Variants in LDB2 observed in about 807,000 individuals in gnomAD.
LDB2 encodes LIM domain-binding protein 2.
A neutral mutation model predicts 44.3 loss-of-function variants in LDB2; 12 were observed. That is an observed-to-expected ratio of 0.27 (90% confidence interval 0.17 to 0.44). The LOEUF (loss-of-function observed/expected upper bound fraction) is 0.44, where lower values mean the gene tolerates loss of function less well. Ranked by LOEUF, LDB2 falls within the 20% of genes least tolerant of loss-of-function variation. The pLI is 1.00. For synonymous variants in LDB2, 164 were observed against 174.8 expected (o/e 0.94, Z 0.49); for missense variants, 344 against 473.5 (o/e 0.73, Z 2.54).
intron 5 of LDB2, among the ~76,000 whole-genome samples, chr4:16,536,533 G>A (rs1187164393): frequency 6.6e-6 from 1 of 152,198 alleles, no homozygotes; most frequent in Non-Finnish European, 1.5e-5. Context: ...AAAGGACCTG[G>A]CAGCTGGGTG....
intron 1 of LDB2, among the ~76,000 whole-genome samples, chr4:16,850,534 T>C (rs1788005287): frequency 6.6e-6 from 1 of 152,200 alleles, no homozygotes; most frequent in African/African-American, 2.4e-5. Flanking sequence ...AACACAAGGA[T>C]GTCAGGTTTC....
At chr4:16,704,062 C>T (rs1754076449) in intron 2 of LDB2, among the ~76,000 whole-genome samples, 1 of 152,148 alleles carries the variant, frequency 6.6e-6, no homozygotes, top group African/African-American at 2.4e-5. Context: ...ATACTTCCTC[C>T]CTGGAATCTG....
chr4:16,501,865 A>G lies in LDB2; in HGVS notation c.*778T>C, dbSNP rs183629970. ...GTTTATTAAACTGCCCACAAAACCA[A>G]TGGATTACATGGCTTGAAAATATTT... is the stretch of plus-strand genomic sequence containing the variant. On this transcript the variant is annotated 3_prime_UTR_variant, in exon 8 of 8. Transcript: ENST00000304523. 9 of 152,784 alleles carry G rather than the reference A, an allele frequency of 5.9e-5. No individual in the cohort carries two copies. The East Asian group carries it at 1.4e-3, about 23-fold the overall frequency. 9.5% of individuals were successfully genotyped at this position (152,784 alleles called of 1,614,324 possible).
At chr4:16,633,751 G>T (rs1388125681) in intron 2 of LDB2, among the ~76,000 whole-genome samples, 40 of 152,108 alleles carry the variant, frequency 2.6e-4, no homozygotes, top group Admixed American at 9.2e-4. Flanking sequence ...TCACAGAACT[G>T]GAAAAAACTA....
intron 2 of LDB2, among the ~76,000 whole-genome samples, chr4:16,686,482 G>A (rs745875879): frequency 6.6e-6 from 1 of 152,200 alleles, no homozygotes; most frequent in Non-Finnish European, 1.5e-5. Context: ...TTGTGCTCTT[G>A]CTCTTGTGTG....
At chr4:16,893,300 TA>T (rs1239345023) in intron 1 of LDB2, among the ~76,000 whole-genome samples, 1 of 151,634 alleles carries the variant, frequency 6.6e-6, no homozygotes, top group Non-Finnish European at 1.5e-5. Flanking sequence ...TTTTTCTTTC[TA>T]AATTTCTAGG....
At chr4:16,731,686 A>T (rs978315689) in intron 2 of LDB2, among the ~76,000 whole-genome samples, 1 of 152,182 alleles carries the variant, frequency 6.6e-6, no homozygotes, top group Non-Finnish European at 1.5e-5. Flanking sequence ...CACCTAGTAT[A>T]CGAAATTTTA....
At chr4:16,788,251 C>T (rs546127438) in intron 1 of LDB2, among the ~76,000 whole-genome samples, 1 of 152,348 alleles carries the variant, frequency 6.6e-6, no homozygotes, top group East Asian at 1.9e-4. Context: ...CTCCGCTCTC[C>T]ACAGGGCAAG....
At chr4:16,892,358 T>C (rs763631587) in intron 1 of LDB2, among the ~76,000 whole-genome samples, 1 of 152,216 alleles carries the variant, frequency 6.6e-6, no homozygotes, top group Admixed American at 6.5e-5. Flanking sequence ...AATTTTGTTT[T>C]AAGCATTAAT....
chr4:16,806,216 A>ACC (rs1778759844), intron 1 of LDB2, among the ~76,000 whole-genome samples: 1 of 152,194 alleles, frequency 6.6e-6, no homozygotes, highest in African/African-American at 2.4e-5. Context: ...CAGCCAATTA[A>ACC]CATTCTACCT....
chr4:16,524,314 A>G (rs552782736), intron 5 of LDB2, among the ~76,000 whole-genome samples: 21 of 152,280 alleles, frequency 1.4e-4, no homozygotes, highest in African/African-American at 5.1e-4. Flanking sequence ...AAGGATTCCA[A>G]ACTGGATGCA....
chr4:16,629,142 C>T (rs1007178757), intron 2 of LDB2, among the ~76,000 whole-genome samples: 1 of 152,194 alleles, frequency 6.6e-6, no homozygotes, highest in East Asian at 1.9e-4. Context: ...GGGTAGAGCC[C>T]ACCACAGATC....
intron 2 of LDB2, among the ~76,000 whole-genome samples, chr4:16,712,721 A>G (rs1756185633): frequency 6.6e-6 from 1 of 152,178 alleles, no homozygotes; most frequent in East Asian, 1.9e-4. Flanking sequence ...ACTGGAGTGA[A>G]TGTGGAGAAA....
At chr4:16,601,895 C>T (rs1212239276) in intron 2 of LDB2, among the ~76,000 whole-genome samples, 1 of 151,952 alleles carries the variant, frequency 6.6e-6, no homozygotes, top group Non-Finnish European at 1.5e-5. Context: ...GGTAAATAAC[C>T]ATTATATATA....
chr4:16,664,378 A>C (rs1742434152), intron 2 of LDB2, among the ~76,000 whole-genome samples: 1 of 152,158 alleles, frequency 6.6e-6, no homozygotes, highest in African/African-American at 2.4e-5. Context: ...TAAGCCACCC[A>C]GTTTATGGTA....
At chr4:16,627,853 A>G (rs763235316) in intron 2 of LDB2, among the ~76,000 whole-genome samples, 1 of 152,250 alleles carries the variant, frequency 6.6e-6, no homozygotes, top group Non-Finnish European at 1.5e-5. Context: ...GACTTAGCAC[A>G]TATTCCACTG....
intron 1 of LDB2, among the ~76,000 whole-genome samples, chr4:16,815,180 G>C (rs1466136690): frequency 6.6e-6 from 1 of 152,226 alleles, no homozygotes; most frequent in Non-Finnish European, 1.5e-5. Context: ...TGGGAAGACA[G>C]TGTAAAATCC....
intron 5 of LDB2, among the ~76,000 whole-genome samples, chr4:16,551,365 A>G (rs1397366799): frequency 3.3e-5 from 5 of 152,218 alleles, no homozygotes; most frequent in Non-Finnish European, 7.3e-5. Flanking sequence ...TGGAAACTGC[A>G]TGTAAGCTAA....
At chr4:16,739,587 A>AT (rs747031201) in intron 2 of LDB2, among the ~76,000 whole-genome samples, 5,136 of 65,248 alleles carry the variant, frequency 0.079, 1,159 homozygotes, top group African/African-American at 0.15. Context: ...AAAAAAAAAA[A>AT]AAATATATAT....
Sources: allele counts gnomAD v4.1 joint callset (sites outside exome capture counted in the v4.1 genomes callset), GRCh38; gene constraint gnomAD v4.1.1; transcripts MANE v1.5; gene names NCBI Gene and HGNC (gene_info 2026-07-23, HGNC 2026-07-21).